The following GALNT16 variants were observed in gnomAD, a reference collection of about 807,000 sequenced individuals.
GALNT16 encodes the protein polypeptide N-acetylgalactosaminyltransferase 16, also known as UDP-GalNAc:polypeptide N-acetylgalactosaminyltransferase-like protein 1.
GALNT16 carries 40 observed loss-of-function variants against 76.1 expected under a neutral mutation model. The ratio of observed to expected loss-of-function variants is 0.53; its 90% CI spans 0.41 to 0.68. The LOEUF (loss-of-function observed/expected upper bound fraction) is 0.68, where lower values mean the gene tolerates loss of function less well. Ranked by LOEUF, GALNT16 falls within the 30% of genes least tolerant of loss-of-function variation. The pLI is 0.00. For synonymous variants in GALNT16, 276 were observed against 285.2 expected (o/e 0.97, Z 0.32); for missense variants, 621 against 731.9 (o/e 0.85, Z 1.75).
chr14:69,302,627 A>G (rs1006114412), intron 1 of GALNT16, among the ~76,000 whole-genome samples: 3 of 152,232 alleles, frequency 2.0e-5, no homozygotes, highest in African/African-American at 7.2e-5. Flanking sequence ...AAGAGAAGAA[A>G]CACAATTTGA....
intron 2 of GALNT16, among the ~76,000 whole-genome samples, chr14:69,323,440 G>A (rs958918910): frequency 3.3e-5 from 5 of 152,184 alleles, no homozygotes; most frequent in Admixed American, 2.6e-4. Context: ...TCAGGGAGAC[G>A]TCACTGTCCC....
downstream of GALNT16, among the ~76,000 whole-genome samples, chr14:69,360,804 A>T (rs2045719713): frequency 6.6e-6 from 1 of 152,236 alleles, no homozygotes; most frequent in African/African-American, 2.4e-5. Context: ...GGGGATTCTG[A>T]TGCATGCTCA....
At position 69,260,474 on chromosome 14, in the gene GALNT16, A is replaced by T. The variant is rs942716617; in HGVS notation, c.177+7A>T. The T allele has an allele frequency of 7.1e-7, 1 of 1,409,826 alleles. No homozygotes were observed. Among genetic ancestry groups the T allele is most frequent in the African/African-American group, 1.5e-5 (1 of 66,234 alleles). 87.3% of individuals were successfully genotyped at this position (1,409,826 alleles called of 1,614,324 possible). A position where few individuals can be genotyped will look rare whatever the true frequency, so the allele number is the denominator to read the frequency against. On this transcript the variant is annotated splice_region_variant and intron_variant, in intron 1 of 14. Transcript: ENST00000448469. ...CCGCACCATCCCGCTCATTGTGAGT[A>T]CGCCCCGAGCGTCGGCCGGCCGGCT...
chr14:69,260,159 T>A lies in GALNT16; in HGVS notation c.-132T>A. 3.3e-5 allele frequency: 1 copy of A among 29,880 alleles called. No homozygotes were observed. Among genetic ancestry groups the A allele is most frequent in the Non-Finnish European group, 6.7e-5 (1 of 14,880 alleles). 1.9% of individuals were successfully genotyped at this position (29,880 alleles called of 1,614,324 possible). A position where few individuals can be genotyped will look rare whatever the true frequency, so the allele number is the denominator to read the frequency against. Reference sequence around the variant, plus strand: ...TCACCCCCCCGCCCCCCCACCTCTCTCCTTTTTCTGCTCTGCAGGACTGAG... The same window carrying A: ...TCACCCCCCCGCCCCCCCACCTCTCACCTTTTTCTGCTCTGCAGGACTGAG... On this transcript the variant is annotated 5_prime_UTR_variant, in exon 1 of 15. Transcript: ENST00000448469.
At chr14:69,299,989 G>A (rs2044826730) in intron 1 of GALNT16, among the ~76,000 whole-genome samples, 1 of 152,246 alleles carries the variant, frequency 6.6e-6, no homozygotes, top group Non-Finnish European at 1.5e-5. Flanking sequence ...ATGAAAGGAT[G>A]AAGCCCCAGA....
intron 2 of GALNT16, among the ~76,000 whole-genome samples, chr14:69,322,981 T>TGTGTGTGTGTGTGTGTGC (rs1196943800): frequency 3.5e-5 from 1 of 28,324 alleles, no homozygotes; most frequent in African/African-American, 2.7e-4. Context: ...TGTGTGTGTG[T>TGTGTGTGTGTGTGTGTGC]GCGCGCGCAC....
intron 10 of GALNT16, among the ~76,000 whole-genome samples, chr14:69,339,156 C>T (rs2045452409): frequency 6.6e-6 from 1 of 152,154 alleles, no homozygotes; most frequent in African/African-American, 2.4e-5. Context: ...GTGCACTAGT[C>T]TCAAGGGAGA....
Position 69,325,227 on chromosome 14 carries a change from A to C in GALNT16, c.435-110A>C, listed in dbSNP as rs76530279. 307 of 759,952 alleles carry C rather than the reference A, an allele frequency of 4.0e-4. No homozygotes were observed. The African/African-American group carries it at 4.4e-3, about 11-fold the overall frequency. 47.1% of individuals were successfully genotyped at this position (759,952 alleles called of 1,614,324 possible). Reference sequence around the variant, plus strand: ...TAGGATTCAGGTAGGAGCGCCCAGCATGCTGGCCCTGGAGCTGGGCGGCTG... The same window carrying C: ...TAGGATTCAGGTAGGAGCGCCCAGCCTGCTGGCCCTGGAGCTGGGCGGCTG... On this transcript the variant is annotated intron_variant, in intron 3 of 14. Transcript: ENST00000448469.
At chr14:69,318,000 G>A (rs2140159329) in intron 1 of GALNT16, among the ~76,000 whole-genome samples, 1 of 152,326 alleles carries the variant, frequency 6.6e-6, no homozygotes, top group East Asian at 1.9e-4. Context: ...TCATGGAATT[G>A]TGGCCAGGAG....
chr14:69,271,911 T>C (rs1257400620), intron 1 of GALNT16, among the ~76,000 whole-genome samples: 2 of 152,218 alleles, frequency 1.3e-5, no homozygotes, highest in East Asian at 3.8e-4. Flanking sequence ...AAATGATATT[T>C]GGATATATTA....
intron 14 of GALNT16, 51 bp downstream of exon 14, chr14:69,348,053 C>T (rs2045590377): frequency 6.3e-7 from 1 of 1,597,622 alleles, no homozygotes; most frequent in Non-Finnish European, 8.6e-7. Context: ...AGGGGCCATG[C>T]CTCAGGGTGG....
intron 1 of GALNT16, among the ~76,000 whole-genome samples, chr14:69,295,719 C>CA (rs922727871): frequency 5.9e-5 from 9 of 151,672 alleles, no homozygotes; most frequent in African/African-American, 2.2e-4. Context: ...GACTCCATCT[C>CA]AAAAAAAATT....
At chr14:69,283,072 A>G (rs1007454881) in intron 1 of GALNT16, among the ~76,000 whole-genome samples, 9 of 152,244 alleles carry the variant, frequency 5.9e-5, no homozygotes, top group Non-Finnish European at 1.0e-4. Flanking sequence ...CTGTACCACC[A>G]TATCAGCACC....
At position 69,316,774 on chromosome 14, in the gene GALNT16, T is replaced by TGGGG. The variant is rs765892301; in HGVS notation, c.178-3936_178-3935insGGGG. ...TGTGAGCTTGGGGGCTTGTAGTCTG[T>TGGGG]GAGGGGGGGGGGCACTGAAGGTCAC... On this transcript the variant is annotated intron_variant, in intron 1 of 14. Transcript: ENST00000448469. 4.2e-4 allele frequency among the ~76,000 whole-genome samples: 18 copies of TGGGG among 42,622 alleles called. No individual in the cohort carries two copies. The South Asian group carries it at 5.6e-3, about 13-fold the overall frequency. The allele number at this position is 42,622 out of a possible 152,430, so 28.0% of individuals were successfully genotyped here. A position where few individuals can be genotyped will look rare whatever the true frequency, so the allele number is the denominator to read the frequency against.
At chr14:69,328,415 G>A (rs907755818) in intron 5 of GALNT16, 35 bp from the exon 6 acceptor site, 2 of 1,605,030 alleles carry the variant, frequency 1.2e-6, no homozygotes, top group Admixed American at 3.4e-5. Flanking sequence ...AGTTGGCCCA[G>A]TCCCAGCGCC....
chr14:69,342,506 GAGGA>G (rs371370434), intron 12 of GALNT16, among the ~76,000 whole-genome samples: 933 of 78,666 alleles, frequency 0.012, 34 homozygotes, highest in Non-Finnish European at 0.017. Context: ...GGGAGGGAGG[GAGGA>G]AGGAAGGGGA....
intron 11 of GALNT16, 38 bp downstream of exon 11, chr14:69,339,657 C>T (rs1171181538): frequency 7.8e-7 from 1 of 1,283,004 alleles, no homozygotes; most frequent in Non-Finnish European, 1.1e-6. Flanking sequence ...CTCCCTCTAC[C>T]CACATTAGCA....
chr14:69,316,737 G>T (rs369959272), intron 1 of GALNT16, among the ~76,000 whole-genome samples: 2 of 132,570 alleles, frequency 1.5e-5, no homozygotes, highest in South Asian at 5.4e-4. Context: ...CCCAGAGAGC[G>T]CCTCAGGCCA....
chr14:69,281,748 A>G (rs2044544871), intron 1 of GALNT16, among the ~76,000 whole-genome samples: 1 of 152,130 alleles, frequency 6.6e-6, no homozygotes, highest in African/African-American at 2.4e-5. Context: ...GCACACAGAC[A>G]TGTGCCATTT....
Sources: allele counts gnomAD v4.1 joint callset (sites outside exome capture counted in the v4.1 genomes callset), GRCh38; gene constraint gnomAD v4.1.1; transcripts MANE v1.5; gene names NCBI Gene and HGNC (gene_info 2026-07-23, HGNC 2026-07-21).